TTLL5: variants seen among roughly 807,000 people sequenced by gnomAD.
TTLL5 encodes the protein tubulin polyglutamylase TTLL5.
A neutral mutation model predicts 168.4 loss-of-function variants in TTLL5; 132 were observed. The ratio of observed to expected loss-of-function variants is 0.78; its 90% CI spans 0.68 to 0.91. TTLL5 has a LOEUF of 0.91. Among genes scored for constraint, TTLL5 ranks in the 40% least tolerant of loss-of-function variants. The pLI is 0.00. For missense variants in TTLL5, 1,545 were observed against 1,581.5 expected, an observed-to-expected ratio of 0.98 and a Z score of 0.39; for synonymous variants, 546 against 558.6, an observed-to-expected ratio of 0.98 and a Z score of 0.32.
chr14:75,844,400 A>T (rs1282693031), intron 28 of TTLL5, among the ~76,000 whole-genome samples: 2 of 151,840 alleles, frequency 1.3e-5, no homozygotes, highest in Non-Finnish European at 2.9e-5. Context: ...GGATGACTTT[A>T]GTATTTCTAA....
chr14:75,922,181 G>GA (rs142689624), intron 31 of TTLL5, among the ~76,000 whole-genome samples: 1 of 6,298 alleles, frequency 1.6e-4, no homozygotes, highest in East Asian at 1.8e-3. Context: ...ATCTGCAAAC[G>GA]GACAATTTGA....
At chr14:75,822,864 GAGA>G (rs1455392957) in intron 28 of TTLL5, among the ~76,000 whole-genome samples, 1 of 152,126 alleles carries the variant, frequency 6.6e-6, no homozygotes, top group African/African-American at 2.4e-5. Flanking sequence ...TTTGTTGTGG[GAGA>G]AGAAGGCAAA....
intron 28 of TTLL5, among the ~76,000 whole-genome samples, chr14:75,828,955 A>C (rs1265070260): frequency 6.6e-6 from 1 of 152,248 alleles, no homozygotes; most frequent in Non-Finnish European, 1.5e-5. Flanking sequence ...ATATCTCCTC[A>C]GTGTGAGAGA....
Position 75,779,714 on chromosome 14 carries a change from G to C in TTLL5, c.2515+12G>C. 6.3e-7 allele frequency: 1 copy of C among 1,587,114 alleles called. No homozygotes were observed. Among genetic ancestry groups the C allele is most frequent in the Middle Eastern group, 1.7e-4 (1 of 5,940 alleles). On this transcript the variant is annotated intron_variant, in intron 24 of 31. Coordinates refer to ENST00000298832, the MANE Select transcript of TTLL5 (RefSeq NM_015072.5). ...TGGGGCAAAAGGTGGTAAGTATACT[G>C]GTTAATGAACGAAAAATAAGAAGAA...
chr14:75,845,380 G>T (rs1333841798), intron 28 of TTLL5, among the ~76,000 whole-genome samples: 1 of 152,188 alleles, frequency 6.6e-6, no homozygotes, highest in Non-Finnish European at 1.5e-5. Flanking sequence ...GGCCCTAGGG[G>T]TGACTTTTTT....
intron 31 of TTLL5, among the ~76,000 whole-genome samples, chr14:75,928,888 G>C (rs917509434): frequency 2.0e-5 from 3 of 152,178 alleles, no homozygotes; most frequent in South Asian, 2.1e-4. Context: ...GGGCAGGATT[G>C]TGATATGAAG....
At chr14:75,803,791 G>T (rs1893482124) in intron 27 of TTLL5, among the ~76,000 whole-genome samples, 2 of 152,234 alleles carry the variant, frequency 1.3e-5, no homozygotes, top group Admixed American at 1.3e-4. Flanking sequence ...CTGGAAGGGA[G>T]TGTAGTGCTC....
chr14:75,784,287 T>C (rs751910848), intron 26 of TTLL5, among the ~76,000 whole-genome samples: 34 of 152,226 alleles, frequency 2.2e-4, no homozygotes, highest in African/African-American at 8.2e-4. Context: ...AATCATATAA[T>C]AGGTAGTCTT....
intron 7 of TTLL5, among the ~76,000 whole-genome samples, chr14:75,706,696 T>G (rs1353835236): frequency 5.9e-5 from 9 of 152,158 alleles, no homozygotes; most frequent in Admixed American, 5.9e-4. Flanking sequence ...TCTTATTTTC[T>G]TGGCAGGTAA....
chr14:75,873,923 C>T (rs1321357206), intron 29 of TTLL5, among the ~76,000 whole-genome samples: 1 of 152,128 alleles, frequency 6.6e-6, no homozygotes, highest in African/African-American at 2.4e-5. Flanking sequence ...TTAGGAGAAG[C>T]CCAAGGCTCA....
At chr14:75,735,777 A>C in intron 15 of TTLL5, among the ~76,000 whole-genome samples, 1 of 152,214 alleles carries the variant, frequency 6.6e-6, no homozygotes, top group East Asian at 1.9e-4. Context: ...AAAGAAACTT[A>C]TACTTGTCTA....
At chr14:75,768,101 G>A (rs1237383479) in intron 20 of TTLL5, among the ~76,000 whole-genome samples, 1 of 152,174 alleles carries the variant, frequency 6.6e-6, no homozygotes, top group African/African-American at 2.4e-5. Context: ...GGTAGGTAAA[G>A]TCTTGCGAAT....
rs1016315785 is a variant in TTLL5 at position 75,740,734 on chromosome 14, T to C, written c.1282-4361T>C. 3.9e-5 allele frequency among the ~76,000 whole-genome samples: 6 copies of C among 152,352 alleles called. No individual in the cohort carries two copies. The East Asian group carries it at 1.2e-3, about 29-fold the overall frequency. ...TTGATAATGTGGTCTTTTCCATTTG[T>C]TTTCTTTCATTTGATAGCATTCATT... is the stretch of plus-strand genomic sequence containing the variant. On this transcript the variant is annotated intron_variant, in intron 15 of 31. Coordinates refer to ENST00000298832, the MANE Select transcript of TTLL5 (RefSeq NM_015072.5).
At chr14:75,769,519 A>G (rs906201768) in intron 20 of TTLL5, among the ~76,000 whole-genome samples, 1 of 152,194 alleles carries the variant, frequency 6.6e-6, no homozygotes, top group African/African-American at 2.4e-5. Context: ...CGTGACGTTT[A>G]TGGAAATGGA....
rs912852363 is a variant in TTLL5, at chr14:75,927,094, GTGTTTT to G, written c.3823+24883_3823+24888del. ...GTAATGGTTACCCCATTTTGTGTTT[GTGTTTT>G]TGTTTTTGTTTTAATTTTTGTGGGT... On this transcript the variant is annotated intron_variant, in intron 31 of 31. Coordinates refer to ENST00000298832, the MANE Select transcript of TTLL5 (RefSeq NM_015072.5). Among the ~76,000 whole-genome samples, 13 of 152,226 alleles carry G rather than the reference GTGTTTT, an allele frequency of 8.5e-5. 1 individual carries two copies. Among genetic ancestry groups the G allele is most frequent in the African/African-American group, 2.4e-4 (10 of 41,530 alleles).
intron 15 of TTLL5, chr14:75,737,567 G>A (rs529038411): frequency 5.9e-4 from 908 of 1,535,432 alleles, no homozygotes; most frequent in Non-Finnish European, 7.2e-4. Context: ...CTTTTATAGC[G>A]TCCAGTATCT....
chr14:75,690,625 TA>T (rs925825137), intron 6 of TTLL5, among the ~76,000 whole-genome samples: 8 of 91,746 alleles, frequency 8.7e-5, no homozygotes, highest in African/African-American at 2.1e-4. Context: ...ATGTAAGTAT[TA>T]TTTTTTTTTT....
chr14:75,684,026 G>A lies in TTLL5; in HGVS notation c.371+370G>A, dbSNP rs575147891. On this transcript the variant is annotated intron_variant, in intron 5 of 31. Transcript: ENST00000298832. ...TGACCTCAATTGATCTGCCTGCCTT[G>A]GCCTCCCAAAGTGCTGGGATTACAG... 1.4e-5 allele frequency: 3 copies of A among 213,244 alleles called. No individual in the cohort carries two copies. The South Asian group carries it at 2.1e-4, about 15-fold the overall frequency. The allele number at this position is 213,244 out of a possible 1,614,324, so 13.2% of individuals were successfully genotyped here.
At chr14:75,708,551 T>A (rs1886815427) in intron 9 of TTLL5, among the ~76,000 whole-genome samples, 1 of 151,964 alleles carries the variant, frequency 6.6e-6, no homozygotes, top group South Asian at 2.1e-4. Context: ...GGTCTCGATC[T>A]CCTGACCTCG....
Sources: allele counts gnomAD v4.1 joint callset (sites outside exome capture counted in the v4.1 genomes callset), GRCh38; gene constraint gnomAD v4.1.1; transcripts MANE v1.5; gene names NCBI Gene and HGNC (gene_info 2026-07-23, HGNC 2026-07-21).